JMY: variants seen among roughly 807,000 people sequenced by gnomAD.
JMY encodes the protein junction mediating and regulatory protein, p53 cofactor, also known as junction-mediating and -regulatory protein.
JMY carries 46 observed loss-of-function variants against 103.3 expected under a neutral mutation model. The ratio of observed to expected loss-of-function variants is 0.45; its 90% CI spans 0.35 to 0.57. JMY has a LOEUF of 0.57. Among genes scored for constraint, JMY ranks in the 20% least tolerant of loss-of-function variants. The pLI, the probability that JMY is intolerant of heterozygous loss-of-function variation, is 0.00. For missense variants in JMY, 1,238 were observed against 1,255.2 expected (o/e 0.99, Z 0.21); for synonymous variants, 526 against 489.3 (o/e 1.07, Z -0.99).
chr5:79,302,935 AAGTT>A (rs1746780648), intron 6 of JMY, among the ~76,000 whole-genome samples: 2 of 152,156 alleles, frequency 1.3e-5, no homozygotes, highest in African/African-American at 2.4e-5. Flanking sequence ...TTTGCAGAAA[AAGTT>A]AGTAGGATTT....
intron 10 of JMY, among the ~76,000 whole-genome samples, chr5:79,319,615 CT>C (rs1747372738): frequency 6.7e-6 from 1 of 149,720 alleles, no homozygotes; most frequent in Non-Finnish European, 1.5e-5. Flanking sequence ...GAGTTTCACT[CT>C]TGTTGCCCAA....
In JMY at chr5:79,266,510, T is replaced by G. The variant is rs148925635; in HGVS notation, c.1033-11400T>G. Among the ~76,000 whole-genome samples, 37 of 152,384 alleles carry G rather than the reference T, an allele frequency of 2.4e-4. No homozygotes were observed. In the East Asian group the frequency reaches 6.7e-3, roughly 28 times the overall value. On this transcript the variant is annotated intron_variant, in intron 1 of 10. Transcript: ENST00000396137. Reference sequence around the variant, plus strand: ...AGGTGGTACATGTGATATTTTGATATGCATATACAATGTATAATGATCACG... The same window carrying G: ...AGGTGGTACATGTGATATTTTGATAGGCATATACAATGTATAATGATCACG...
intron 10 of JMY, among the ~76,000 whole-genome samples, chr5:79,320,238 G>T (rs1419685171): frequency 6.6e-6 from 1 of 152,086 alleles, no homozygotes; most frequent in Non-Finnish European, 1.5e-5. Flanking sequence ...AAAAGTAGCT[G>T]GGCGTGGTGG....
chr5:79,300,352 A>G (rs748049800), intron 5 of JMY, 34 bp downstream of exon 5: 15 of 1,470,396 alleles, frequency 1.0e-5, no homozygotes, highest in East Asian at 4.9e-5. Flanking sequence ...AAGTTCACCA[A>G]AGATTGAATA....
rs1466409145 is a variant in JMY at position 79,237,550 on chromosome 5, C to T, written c.900C>T (p.Cys300=). 1 of 1,613,666 alleles carries T rather than the reference C, an allele frequency of 6.2e-7. No individual in the cohort carries two copies. The highest frequency in any genetic ancestry group is 2.2e-5 in the East Asian group (1 of 44,866). Residue 300 remains cysteine, a synonymous_variant, in exon 1 of 11, where the codon TGC becomes TGT. Transcript: ENST00000396137. ...ACCTGGGCCACGGCCTGGACACCTG[C>T]GGCTGGAAGATCCTCTCCCAGGTGC... ...QVYLGHGLDT[C]GWKILSQVLF...
chr5:79,240,686 G>C (rs1398684217), intron 1 of JMY, among the ~76,000 whole-genome samples: 1 of 152,334 alleles, frequency 6.6e-6, no homozygotes, highest in East Asian at 1.9e-4. Flanking sequence ...TCTGCTGGAA[G>C]ATTGTGTCTT....
chr5:79,243,997 CT>C (rs1744817421), intron 1 of JMY, among the ~76,000 whole-genome samples: 1 of 149,190 alleles, frequency 6.7e-6, no homozygotes, highest in African/African-American at 2.5e-5. Flanking sequence ...TTTCTTTTTT[CT>C]TTTTTTCCTT....
chr5:79,319,574 CT>C (rs1561318997), intron 10 of JMY, among the ~76,000 whole-genome samples: 2 of 94,384 alleles, frequency 2.1e-5, no homozygotes, highest in African/African-American at 3.8e-5. Context: ...TTTTTTTTTT[CT>C]CTCTCTCTTT....
chr5:79,272,499 CCTCTT>C (rs1355541829), intron 1 of JMY, among the ~76,000 whole-genome samples: 3 of 150,554 alleles, frequency 2.0e-5, no homozygotes, highest in Non-Finnish European at 3.0e-5. Context: ...TCTTTTTTCT[CCTCTT>C]CTTTTCCTGA....
At position 79,316,143 on chromosome 5, in the gene JMY, T is replaced by C. The variant is rs754527480; in HGVS notation, c.2803T>C (p.Leu935=). ...GGCACAAATAAGGAAAGGGGTAAAA[T>C]TGAAGAAGGTACAGAAGGATGTTTT... ...ILAQIRKGVK[L]KKVQKDVLRE... The change falls in exon 10 of 11, where the codon TTG becomes CTG. Residue 935 remains leucine, a synonymous_variant. Coordinates refer to ENST00000396137, the MANE Select transcript of JMY (RefSeq NM_152405.5). The C allele has an allele frequency of 2.2e-5, 35 of 1,614,008 alleles. No individual in the cohort carries two copies. The highest frequency in any genetic ancestry group is 3.3e-5 in the South Asian group (3 of 91,084).
At chr5:79,300,365 T>C (rs764340363) in intron 5 of JMY, 47 bp downstream of exon 5, 55 of 1,449,816 alleles carry the variant, frequency 3.8e-5, no homozygotes, top group Non-Finnish European at 5.0e-5. Flanking sequence ...ATTGAATACA[T>C]GAGAAAATAC....
intron 3 of JMY, 33 bp from the exon 4 acceptor site, chr5:79,291,097 T>C: frequency 6.9e-7 from 1 of 1,455,170 alleles, no homozygotes; most frequent in Non-Finnish European, 9.2e-7. Flanking sequence ...AGTTGTTATT[T>C]GTCTTAATTT....
intron 4 of JMY, among the ~76,000 whole-genome samples, chr5:79,298,519 A>G (rs1048859867): frequency 3.3e-5 from 5 of 152,218 alleles, no homozygotes; most frequent in African/African-American, 1.2e-4. Flanking sequence ...GACAAAAACA[A>G]CAGTTCATAT....
chr5:79,311,405 T>C (rs1035701615), intron 7 of JMY, among the ~76,000 whole-genome samples: 3 of 152,192 alleles, frequency 2.0e-5, no homozygotes, highest in Non-Finnish European at 4.4e-5. Flanking sequence ...TTAGAAATTA[T>C]ATTGTTTAGG....
At chr5:79,273,767 C>T (rs1012360271) in intron 1 of JMY, among the ~76,000 whole-genome samples, 2 of 152,092 alleles carry the variant, frequency 1.3e-5, no homozygotes, top group Non-Finnish European at 1.5e-5. Context: ...GACCTCATCT[C>T]GGGTTGTGGG....
At chr5:79,290,527 C>T (rs879934086) in intron 3 of JMY, among the ~76,000 whole-genome samples, 2 of 151,764 alleles carry the variant, frequency 1.3e-5, no homozygotes, top group Non-Finnish European at 2.9e-5. Flanking sequence ...ACCATAAAAC[C>T]TCACAGAATT....
At chr5:79,291,429 A>C (rs1324703914) in intron 4 of JMY, 130 bp downstream of exon 4, 1 of 689,226 alleles carries the variant, frequency 1.5e-6, no homozygotes, top group East Asian at 2.9e-5. Flanking sequence ...AAACACTTAG[A>C]ATAGGTCCTG....
chr5:79,273,019 T>G (rs149395542), intron 1 of JMY, among the ~76,000 whole-genome samples: 263 of 152,338 alleles, frequency 1.7e-3, no homozygotes, highest in African/African-American at 5.4e-3. Context: ...ATATTTATTA[T>G]AGTCAGATAC....
chr5:79,265,418 A>G (rs1204524710), intron 1 of JMY, among the ~76,000 whole-genome samples: 1 of 152,216 alleles, frequency 6.6e-6, no homozygotes, highest in African/African-American at 2.4e-5. Context: ...AGTCTTAACT[A>G]CAATTCAGAG....
Sources: allele counts gnomAD v4.1 joint callset (sites outside exome capture counted in the v4.1 genomes callset), GRCh38; gene constraint gnomAD v4.1.1; transcripts MANE v1.5; gene names NCBI Gene and HGNC (gene_info 2026-07-23, HGNC 2026-07-21).